The following LRP1B variants were observed in gnomAD, a reference collection of about 807,000 sequenced individuals.
The protein encoded by LRP1B is low-density lipoprotein receptor-related protein 1B.
In LRP1B, 217 loss-of-function variants were observed where a neutral mutation model predicts 556.6. The observed-to-expected ratio is 0.39, with a 90% CI of 0.35 to 0.44. The LOEUF is 0.44. Ranked by LOEUF, LRP1B falls within the 20% of genes least tolerant of loss-of-function variation. The pLI is 1.00. For synonymous variants in LRP1B, 2,047 were observed against 1,865.8 expected, an observed-to-expected ratio of 1.10 and a Z score of -2.50; for missense variants, 5,053 against 5,620.8, an observed-to-expected ratio of 0.90 and a Z score of 3.23.
intron 1 of LRP1B, among the ~76,000 whole-genome samples, chr2:142,010,931 A>G (rs1005188950): frequency 6.6e-6 from 1 of 152,170 alleles, no homozygotes; most frequent in Non-Finnish European, 1.5e-5. Context: ...TGCTTCATGT[A>G]TTGTGCTATC....
At chr2:140,542,366 A>G (rs1409721180) in intron 43 of LRP1B, among the ~76,000 whole-genome samples, 1 of 152,122 alleles carries the variant, frequency 6.6e-6, no homozygotes, top group African/African-American at 2.4e-5. Context: ...CCAGAACTAC[A>G]TATGGCATAT....
intron 84 of LRP1B, among the ~76,000 whole-genome samples, chr2:140,281,019 T>C (rs1682891966): frequency 6.6e-6 from 1 of 151,780 alleles, no homozygotes. Flanking sequence ...ATATGGTAAT[T>C]AGGTAGATAG....
chr2:140,791,945 C>G (rs1690135782), intron 32 of LRP1B, among the ~76,000 whole-genome samples: 1 of 152,116 alleles, frequency 6.6e-6, no homozygotes, highest in African/African-American at 2.4e-5. Flanking sequence ...CGTAAATTTC[C>G]CTTTCTGAAG....
At chr2:141,962,156 A>G (rs1701419373) in intron 1 of LRP1B, among the ~76,000 whole-genome samples, 2 of 151,794 alleles carry the variant, frequency 1.3e-5, no homozygotes, top group African/African-American at 4.8e-5. Flanking sequence ...ATAGAAAGGC[A>G]CAGATCATTT....
chr2:140,773,799 AC>A, intron 33 of LRP1B, among the ~76,000 whole-genome samples: 1 of 152,094 alleles, frequency 6.6e-6, no homozygotes, highest in South Asian at 2.1e-4. Flanking sequence ...ATTCTTAGTT[AC>A]AATAAGGTTC....
chr2:141,084,105 T>C (rs996030043), intron 7 of LRP1B, among the ~76,000 whole-genome samples: 3 of 152,182 alleles, frequency 2.0e-5, no homozygotes, highest in African/African-American at 7.2e-5. Flanking sequence ...AAGCAGTTCT[T>C]AGTAGAGTAC....
At chr2:141,156,220 A>G (rs1702062729) in intron 7 of LRP1B, among the ~76,000 whole-genome samples, 1 of 152,176 alleles carries the variant, frequency 6.6e-6, no homozygotes, top group Admixed American at 6.6e-5. Context: ...GTCTATGCCA[A>G]CAGAAAACCA....
At chr2:141,718,892 T>C (rs764220447) in intron 2 of LRP1B, among the ~76,000 whole-genome samples, 11 of 152,052 alleles carry the variant, frequency 7.2e-5, no homozygotes, top group Non-Finnish European at 1.5e-4. Flanking sequence ...AAACCAAAAG[T>C]TAAAAGGTTA....
At chr2:141,206,518 C>T (rs1188404965) in intron 6 of LRP1B, among the ~76,000 whole-genome samples, 9 of 151,694 alleles carry the variant, frequency 5.9e-5, no homozygotes, top group African/African-American at 2.2e-4. Flanking sequence ...ATACAGGAGG[C>T]GGAGCTTGCA....
chr2:141,298,439 ACT>A (rs1337830677), intron 3 of LRP1B, among the ~76,000 whole-genome samples: 2 of 152,198 alleles, frequency 1.3e-5, no homozygotes, highest in East Asian at 1.9e-4. Flanking sequence ...ATTTGTCATG[ACT>A]CTGTAACAAA....
chr2:141,125,844 C>CAAAAAAAAAAAAAAA (rs386391362), intron 7 of LRP1B, among the ~76,000 whole-genome samples: 1 of 102,204 alleles, frequency 9.8e-6, no homozygotes, highest in African/African-American at 4.0e-5. Context: ...CTTTCAAATG[C>CAAAAAAAAAAAAAAA]AAAAAAAAAA....
intron 18 of LRP1B, among the ~76,000 whole-genome samples, chr2:140,978,975 CT>C (rs1558778251): frequency 6.6e-6 from 1 of 151,928 alleles, no homozygotes; most frequent in Non-Finnish European, 1.5e-5. Context: ...CTTTTGAGAG[CT>C]TATTTTTATT....
intron 2 of LRP1B, among the ~76,000 whole-genome samples, chr2:141,782,490 C>T (rs1695286033): frequency 7.4e-6 from 1 of 135,782 alleles, no homozygotes; most frequent in African/African-American, 2.8e-5. Flanking sequence ...GTTTGTAACA[C>T]ATTTCTTTGC....
At chr2:140,392,217 C>G (rs13010738) in intron 66 of LRP1B, among the ~76,000 whole-genome samples, 1 of 151,606 alleles carries the variant, frequency 6.6e-6, no homozygotes, top group Non-Finnish European at 1.5e-5. Flanking sequence ...TTTTGTTTTT[C>G]TTTTACACTG....
intron 1 of LRP1B, among the ~76,000 whole-genome samples, chr2:142,057,237 G>C (rs1704710089): frequency 6.6e-6 from 1 of 151,922 alleles, no homozygotes; most frequent in Non-Finnish European, 1.5e-5. Context: ...CCTATCTCTA[G>C]GTATGATATA....
intron 10 of LRP1B, among the ~76,000 whole-genome samples, chr2:141,052,847 A>C (rs577345544): frequency 6.6e-6 from 1 of 151,934 alleles, no homozygotes; most frequent in African/African-American, 2.4e-5. Flanking sequence ...AATGTTGCCC[A>C]GGCTCTTATT....
rs1692888586 is a variant in LRP1B, at chr2:140,864,421, T to C, written c.4579+3169A>G. Among the ~76,000 whole-genome samples, 4 of 152,096 alleles carry C rather than the reference T, an allele frequency of 2.6e-5. No homozygotes were observed. The South Asian group carries it at 6.2e-4, about 24-fold the overall frequency. On this transcript the variant is annotated intron_variant, in intron 27 of 90. Transcript: ENST00000389484. Reference sequence around the variant, plus strand: ...AGCTAGTATAAGAATTTATAATTGGTATGTGTGAGAAGGAGTCTTAGATGG... The same window carrying C: ...AGCTAGTATAAGAATTTATAATTGGCATGTGTGAGAAGGAGTCTTAGATGG...
intron 1 of LRP1B, among the ~76,000 whole-genome samples, chr2:142,008,881 C>A (rs1406921385): frequency 6.6e-6 from 1 of 151,566 alleles, no homozygotes; most frequent in African/African-American, 2.4e-5. Context: ...CTCCATCCAC[C>A]AGCAGGTAGA....
intron 86 of LRP1B, chr2:140,269,135 G>T (rs1180623084): frequency 2.5e-6 from 1 of 393,804 alleles, no homozygotes; most frequent in Admixed American, 3.0e-5. Context: ...GGTTAAGTGT[G>T]TATGACACAG....
Sources: allele counts gnomAD v4.1 joint callset (sites outside exome capture counted in the v4.1 genomes callset), GRCh38; gene constraint gnomAD v4.1.1; transcripts MANE v1.5; gene names NCBI Gene and HGNC (gene_info 2026-07-23, HGNC 2026-07-21).